Variants in LRRC4C observed in about 807,000 individuals in gnomAD.
LRRC4C encodes leucine-rich repeat-containing protein 4C.
A neutral mutation model predicts 33.6 loss-of-function variants in LRRC4C; 5 were observed. The observed-to-expected ratio is 0.15, with a 90% CI of 0.08 to 0.31. The LOEUF (loss-of-function observed/expected upper bound fraction) is 0.31. Ranked by LOEUF, LRRC4C falls within the 10% of genes least tolerant of loss-of-function variation. The pLI is 1.00. For synonymous variants in LRRC4C, 329 were observed against 302.0 expected (o/e 1.09, Z -0.93); for missense variants, 560 against 796.7 (o/e 0.70, Z 3.58).
intron 2 of LRRC4C, among the ~76,000 whole-genome samples, chr11:40,901,559 T>A (rs187806709): frequency 2.0e-3 from 304 of 152,234 alleles, no homozygotes; most frequent in Middle Eastern, 3.4e-3. Context: ...TCTACCAGTT[T>A]TTTTTCTCCC....
chr11:40,437,261 G>A (rs1951180258), intron 3 of LRRC4C, among the ~76,000 whole-genome samples: 1 of 152,056 alleles, frequency 6.6e-6, no homozygotes, highest in African/African-American at 2.4e-5. Flanking sequence ...TATACACATT[G>A]TAATTGCAGA....
chr11:41,245,963 G>T (rs1948435048), intron 1 of LRRC4C, among the ~76,000 whole-genome samples: 1 of 152,054 alleles, frequency 6.6e-6, no homozygotes, highest in Non-Finnish European at 1.5e-5. Context: ...ATTGGTCCCT[G>T]GGTGGCCATG....
intron 5 of LRRC4C, among the ~76,000 whole-genome samples, chr11:40,167,337 T>A (rs917653222): frequency 6.6e-6 from 1 of 152,192 alleles, no homozygotes; most frequent in Non-Finnish European, 1.5e-5. Context: ...ATTGTTCATT[T>A]GCATAGTCTC....
At chr11:40,890,983 C>T (rs934619061) in intron 2 of LRRC4C, among the ~76,000 whole-genome samples, 3 of 152,220 alleles carry the variant, frequency 2.0e-5, no homozygotes, top group Non-Finnish European at 4.4e-5. Context: ...TGGCTCACAC[C>T]TATAATATCA....
At chr11:40,952,877 C>A (rs896576530) in intron 1 of LRRC4C, among the ~76,000 whole-genome samples, 2 of 109,650 alleles carry the variant, frequency 1.8e-5, no homozygotes, top group African/African-American at 6.0e-5. Context: ...CACACACACA[C>A]ACACACACAC....
intron 3 of LRRC4C, among the ~76,000 whole-genome samples, chr11:40,410,441 A>G (rs1352559793): frequency 1.3e-5 from 2 of 152,130 alleles, no homozygotes; most frequent in African/African-American, 2.4e-5. Context: ...TCAACTGCTC[A>G]AAGACCACCT....
intron 2 of LRRC4C, among the ~76,000 whole-genome samples, chr11:40,799,890 A>G (rs939135677): frequency 2.0e-5 from 3 of 152,244 alleles, no homozygotes; most frequent in Non-Finnish European, 4.4e-5. Flanking sequence ...GTGGAAATAT[A>G]CTGGCTAGAT....
chr11:40,828,040 AT>A (rs780402604), intron 2 of LRRC4C, among the ~76,000 whole-genome samples: 4 of 151,778 alleles, frequency 2.6e-5, no homozygotes, highest in Admixed American at 6.6e-5. Context: ...TTTATATAAT[AT>A]TTTTAACTGG....
intron 2 of LRRC4C, among the ~76,000 whole-genome samples, chr11:40,812,805 C>A (rs1278175932): frequency 1.3e-5 from 2 of 151,920 alleles, no homozygotes; most frequent in Non-Finnish European, 2.9e-5. Flanking sequence ...CACCAAAAGG[C>A]AAGAGAAACC....
intron 1 of LRRC4C, among the ~76,000 whole-genome samples, chr11:40,950,556 A>G (rs1477912601): frequency 1.3e-5 from 2 of 152,096 alleles, no homozygotes; most frequent in African/African-American, 2.4e-5. Flanking sequence ...ACTGAATTCA[A>G]AAATGTCTCT....
chr11:40,888,747 A>C (rs1481377840), intron 2 of LRRC4C, among the ~76,000 whole-genome samples: 1 of 152,020 alleles, frequency 6.6e-6, no homozygotes, highest in Non-Finnish European at 1.5e-5. Context: ...TTTATAATGA[A>C]ATATCTTCTC....
At chr11:40,323,161 C>T (rs1380268346) in intron 3 of LRRC4C, among the ~76,000 whole-genome samples, 1 of 152,080 alleles carries the variant, frequency 6.6e-6, no homozygotes, top group Non-Finnish European at 1.5e-5. Context: ...GTTCTCATAG[C>T]TTCTCATAGC....
chr11:40,375,783 T>C (rs1219156611), intron 3 of LRRC4C, among the ~76,000 whole-genome samples: 1 of 152,130 alleles, frequency 6.6e-6, no homozygotes, highest in African/African-American at 2.4e-5. Context: ...GACCAACGCT[T>C]GGGAGTAGAC....
At chr11:41,419,193 C>T (rs564677174) in intron 1 of LRRC4C, among the ~76,000 whole-genome samples, 10 of 151,804 alleles carry the variant, frequency 6.6e-5, no homozygotes, top group Admixed American at 2.6e-4. Context: ...TAAGAGGTTG[C>T]GCCTCAAAAT....
intron 3 of LRRC4C, among the ~76,000 whole-genome samples, chr11:40,554,189 A>T (rs183122519): frequency 2.3e-4 from 35 of 152,260 alleles, no homozygotes; most frequent in African/African-American, 8.4e-4. Context: ...CCACCTCTTG[A>T]ATAGAAGGTC....
intron 1 of LRRC4C, among the ~76,000 whole-genome samples, chr11:40,939,456 A>G (rs1958047415): frequency 6.7e-6 from 1 of 149,508 alleles, no homozygotes; most frequent in Non-Finnish European, 1.5e-5. Flanking sequence ...AAATCAACTT[A>G]CTGTAAAGGA....
chr11:40,737,076 C>T (rs1443718275), intron 2 of LRRC4C, among the ~76,000 whole-genome samples: 3 of 151,988 alleles, frequency 2.0e-5, no homozygotes, highest in African/African-American at 7.2e-5. Flanking sequence ...TTTGCCCATG[C>T]CTATGTCCTA....
At chr11:40,188,193 C>T (rs1048855201) in intron 5 of LRRC4C, among the ~76,000 whole-genome samples, 21 of 152,102 alleles carry the variant, frequency 1.4e-4, no homozygotes, top group African/African-American at 5.1e-4. Flanking sequence ...TCAACTGAAC[C>T]TTGAATTATT....
chr11:40,208,387 T>G (rs10742530), intron 5 of LRRC4C, among the ~76,000 whole-genome samples: 85,843 of 151,992 alleles, frequency 0.56, 24,553 homozygotes, highest in Admixed American at 0.63. Flanking sequence ...AATTTACAGA[T>G]GTGCAAAACA....
Sources: gnomAD v4.1 joint callset for allele counts (sites outside exome capture counted in the v4.1 genomes callset) on GRCh38, gnomAD v4.1.1 for gene constraint, MANE v1.5 for transcripts, NCBI Gene and HGNC (gene_info 2026-07-23, HGNC 2026-07-21) for gene names.